PPP1R12C: variants seen among roughly 807,000 people sequenced by gnomAD.
PPP1R12C encodes protein phosphatase 1 regulatory subunit 12C.
In PPP1R12C, 48 loss-of-function variants were observed where a neutral mutation model predicts 95.6. The observed-to-expected ratio is 0.50, with a 90% confidence interval of 0.40 to 0.64. The LOEUF (loss-of-function observed/expected upper bound fraction) is 0.64, where lower values mean the gene tolerates loss of function less well. Ranked by LOEUF, PPP1R12C falls within the 30% of genes least tolerant of loss-of-function variation. The probability of loss-of-function intolerance (pLI) is 0.00; values close to 1 mark genes in which losing one functional copy is unlikely to be tolerated. For missense variants in PPP1R12C, 1,057 were observed against 1,083.3 expected (o/e 0.98, Z 0.34); for synonymous variants, 480 against 460.8 (o/e 1.04, Z -0.53).
Position 55,092,498 on chromosome 19 carries a change from CCCGCTGCCA to C in PPP1R12C, c.1990_1998del (p.Trp664_Arg666del). 4 of 1,609,590 alleles carry C rather than the reference CCCGCTGCCA, an allele frequency of 2.5e-6. No homozygotes were observed. Among genetic ancestry groups the C allele is most frequent in the Non-Finnish European group, 3.4e-6 (4 of 1,178,416 alleles). On this transcript the variant is annotated inframe_deletion, in exon 18 of 22. Coordinates refer to ENST00000263433, the MANE Select transcript of PPP1R12C (RefSeq NM_017607.4). ...TCTGGCTCAGGTTCTGGGTTGAGGT[CCCGCTGCCA>C]CCGCTGCCTGCGGGCCGAGGGGCCG...
In PPP1R12C at chr19:55,091,898, G is replaced by C; in HGVS notation, c.2172C>G (p.Arg724=). Residue 724 remains arginine, a synonymous_variant, in exon 20 of 22, where the codon CGC becomes CGG. Transcript: ENST00000263433. ...ELERATQRQE[R]FAERPALLEL... The stretch of plus-strand genomic sequence containing the variant: ...CCAGGAGGGCTGGCCTCTCAGCGAA[G>C]CGTTCTTGCCTCTGGTGAGGACACA... 1 of 1,613,290 alleles carries C rather than the reference G, an allele frequency of 6.2e-7. No individual in the cohort carries two copies. The highest frequency in any genetic ancestry group is 8.5e-7 in the Non-Finnish European group (1 of 1,179,992).
intron 3 of PPP1R12C, chr19:55,111,650 CG>C (rs570349305): frequency 1.9e-3 from 287 of 152,256 alleles, no homozygotes; most frequent in African/African-American, 6.5e-3. Flanking sequence ...AGGACAGCCG[CG>C]TCAGAAGTCT....
At chr19:55,096,204 G>C (rs778508012) in intron 7 of PPP1R12C, 26 bp from the exon 8 acceptor site, 3 of 1,611,894 alleles carry the variant, frequency 1.9e-6, no homozygotes, top group Non-Finnish European at 2.5e-6. Context: ...AGGGTGCTGG[G>C]GTACAAGCCC....
intron 3 of PPP1R12C, 183 bp downstream of exon 3, chr19:55,112,284 C>T: frequency 2.0e-6 from 1 of 492,198 alleles, no homozygotes; most frequent in Non-Finnish European, 3.6e-6. Context: ...TGCTGGGCTC[C>T]AAGCAATCCT....
chr19:55,107,856 A>T (rs1383399570), intron 3 of PPP1R12C, among the ~76,000 whole-genome samples: 3 of 151,886 alleles, frequency 2.0e-5, no homozygotes, highest in African/African-American at 7.2e-5. Context: ...AAAAAATAAA[A>T]AATAAAAATA....
intron 11 of PPP1R12C, 67 bp from the exon 12 acceptor site, chr19:55,094,865 C>A: frequency 6.6e-7 from 1 of 1,513,088 alleles, no homozygotes; most frequent in South Asian, 1.2e-5. Context: ...GGAGATGCAG[C>A]CGTGAGTGAA....
chr19:55,112,303 G>A, intron 3 of PPP1R12C, 164 bp downstream of exon 3: 2 of 631,282 alleles, frequency 3.2e-6, no homozygotes, highest in Non-Finnish European at 2.7e-6. Context: ...CTGGAGGCAG[G>A]CCCCTACACC....
intron 3 of PPP1R12C, among the ~76,000 whole-genome samples, chr19:55,105,410 G>C (rs773234108): frequency 1.9e-4 from 29 of 152,328 alleles, no homozygotes; most frequent in African/African-American, 7.0e-4. Context: ...GTCTGTATCT[G>C]TAGACAGAGC....
intron 3 of PPP1R12C, among the ~76,000 whole-genome samples, chr19:55,110,272 T>C (rs1339417506): frequency 6.6e-6 from 1 of 151,860 alleles, no homozygotes; most frequent in Admixed American, 6.6e-5. Flanking sequence ...CAGGCAACAG[T>C]GTAGCATCAA....
At chr19:55,105,267 C>T (rs1197467048) in intron 3 of PPP1R12C, among the ~76,000 whole-genome samples, 4 of 152,146 alleles carry the variant, frequency 2.6e-5, no homozygotes, top group Admixed American at 6.5e-5. Flanking sequence ...CTATTATAGC[C>T]GAATGGGTCT....
At chr19:55,091,617 C>T (rs1341627528) in intron 21 of PPP1R12C, 33 bp downstream of exon 21, 3 of 1,577,644 alleles carry the variant, frequency 1.9e-6, no homozygotes, top group Middle Eastern at 1.7e-4. Flanking sequence ...CACCCACCCT[C>T]GGCCCTCTGC....
At chr19:55,104,186 A>AG (rs2085010015) in intron 3 of PPP1R12C, among the ~76,000 whole-genome samples, 1 of 101,148 alleles carries the variant, frequency 9.9e-6, no homozygotes, top group Non-Finnish European at 1.8e-5. Flanking sequence ...AAAAGTATAT[A>AG]TATATATATA....
intron 3 of PPP1R12C, among the ~76,000 whole-genome samples, chr19:55,106,712 G>A (rs895938044): frequency 1.3e-5 from 2 of 152,190 alleles, no homozygotes; most frequent in African/African-American, 2.4e-5. Flanking sequence ...TTGGGCCTAC[G>A]AAAATCCATT....
In PPP1R12C at chr19:55,092,872, G is replaced by A. The variant is rs745648110; in HGVS notation, c.1826-4C>T. The A allele has an allele frequency of 1.3e-6, 2 of 1,596,394 alleles. No homozygotes were observed. The highest frequency in any genetic ancestry group is 1.7e-6 in the Non-Finnish European group (2 of 1,172,360). ...CCCTGCCCGTCGGGCGCCTCTGCTGGGGGAGGGGCAGGAATCAGCCCAGGC... is the reference window on the plus strand; with the variant it reads ...CCCTGCCCGTCGGGCGCCTCTGCTGAGGGAGGGGCAGGAATCAGCCCAGGC... On this transcript the variant is annotated splice_region_variant and splice_polypyrimidine_tract_variant and intron_variant, in intron 15 of 21. Coordinates refer to ENST00000263433, the MANE Select transcript of PPP1R12C (RefSeq NM_017607.4).
intron 1 of PPP1R12C, among the ~76,000 whole-genome samples, chr19:55,115,853 C>A (rs1316335665): frequency 1.3e-5 from 2 of 152,142 alleles, no homozygotes; most frequent in Non-Finnish European, 2.9e-5. Context: ...GTGGTCCCAG[C>A]TCGGGGACAC....
rs144960906 is a variant in PPP1R12C at position 55,104,424 on chromosome 19, G to A, written c.572-856C>T. Among the ~76,000 whole-genome samples the A allele has an allele frequency of 5.9e-4, 90 of 151,410 alleles. 2 individuals are homozygous for A. The East Asian group carries it at 0.015, about 25-fold the overall frequency. On this transcript the variant is annotated intron_variant, in intron 3 of 21. Coordinates refer to ENST00000263433, the MANE Select transcript of PPP1R12C (RefSeq NM_017607.4). ...TGCTGGATTAAGATTATATTGGGGG[G>A]TGGCACAACGGCTCATGCCTGTAAT...
chr19:55,103,309 A>T, intron 4 of PPP1R12C, 100 bp downstream of exon 4: 1 of 1,212,972 alleles, frequency 8.2e-7, no homozygotes, highest in Non-Finnish European at 1.1e-6. Context: ...TTTAGAGGGA[A>T]ATACATAGCC....
At chr19:55,100,887 C>T (rs1170353910) in intron 4 of PPP1R12C, among the ~76,000 whole-genome samples, 3 of 152,200 alleles carry the variant, frequency 2.0e-5, no homozygotes, top group African/African-American at 7.2e-5. Flanking sequence ...GCTGGGATTA[C>T]AGGCGTGATC....
rs1193886122 is a variant in PPP1R12C, at chr19:55,091,643, C to T, written c.2262+7G>A. The T allele has an allele frequency of 1.9e-6, 3 of 1,610,522 alleles. No individual in the cohort carries two copies. Among genetic ancestry groups the T allele is most frequent in the Non-Finnish European group, 2.5e-6 (3 of 1,178,578 alleles). On this transcript the variant is annotated splice_region_variant and intron_variant, in intron 21 of 21. Transcript: ENST00000263433. ...GGCCCTCTGCCCACAGCCCCCACAGCCCCCACCTTCAGCTCCTCCTCCAGC... is the reference window on the plus strand; with the variant it reads ...GGCCCTCTGCCCACAGCCCCCACAGTCCCCACCTTCAGCTCCTCCTCCAGC...
Sources: gnomAD v4.1 joint callset for allele counts (sites outside exome capture counted in the v4.1 genomes callset) on GRCh38, gnomAD v4.1.1 for gene constraint, MANE v1.5 for transcripts, NCBI Gene and HGNC (gene_info 2026-07-23, HGNC 2026-07-21) for gene names.